NDE1: variants seen among roughly 807,000 people sequenced by gnomAD.
NDE1 encodes the protein nuclear distribution protein nudE homolog 1.
NDE1 carries 28 observed loss-of-function variants against 43.4 expected under a neutral mutation model. That is an observed-to-expected ratio of 0.65 (90% CI 0.48 to 0.89). The LOEUF is 0.89. Ranked by LOEUF, NDE1 falls within the 40% of genes least tolerant of loss-of-function variation. NDE1 has a pLI of 0.00. For synonymous variants in NDE1, 184 were observed against 172.0 expected (o/e 1.07, Z -0.55); for missense variants, 441 against 434.1 (o/e 1.02, Z -0.14).
chr16:15,699,760 C>CCTTCACACATGT, intron 8 of NDE1: 1 of 1,351,606 alleles, frequency 7.4e-7, no homozygotes, highest in African/African-American at 1.5e-5. Flanking sequence ...TGGGAAGCCG[C>CCTTCACACATGT]CTTCACACAT....
intron 8 of NDE1, among the ~76,000 whole-genome samples, chr16:15,709,067 C>T (rs764473966): frequency 5.3e-5 from 8 of 152,000 alleles, no homozygotes; most frequent in East Asian, 1.9e-4. Context: ...CTCAGCCTCC[C>T]GAGTAGCTGG....
chr16:15,679,306 G>GT (rs1019866776), intron 4 of NDE1, among the ~76,000 whole-genome samples: 2 of 151,788 alleles, frequency 1.3e-5, no homozygotes, highest in African/African-American at 4.8e-5. Context: ...TCCTCAGAGA[G>GT]TTTTTTTTCT....
At chr16:15,716,971 C>G (rs2040185492) in intron 8 of NDE1, among the ~76,000 whole-genome samples, 1 of 152,228 alleles carries the variant, frequency 6.6e-6, no homozygotes, top group African/African-American at 2.4e-5. Context: ...CAGCAGGGCA[C>G]TTTGCTGTGT....
At chr16:15,719,849 C>T (rs2040373132) in intron 8 of NDE1, 2 of 1,304,162 alleles carry the variant, frequency 1.5e-6, no homozygotes, top group Admixed American at 1.8e-5. Flanking sequence ...ACGAGCATGG[C>T]TCTCAGTTCC....
chr16:15,704,903 T>C (rs567652122), intron 8 of NDE1, among the ~76,000 whole-genome samples: 1 of 152,340 alleles, frequency 6.6e-6, no homozygotes, highest in South Asian at 2.1e-4. Flanking sequence ...GGTCTGGAAC[T>C]CCTGAGCTCA....
At chr16:15,674,710 CT>C (rs532272038) in intron 3 of NDE1, among the ~76,000 whole-genome samples, 10 of 150,834 alleles carry the variant, frequency 6.6e-5, no homozygotes, top group East Asian at 3.9e-4. Flanking sequence ...ATTGAGATTC[CT>C]TTTTTTTTGC....
At chr16:15,723,069 C>A (rs1475536888) in intron 8 of NDE1, among the ~76,000 whole-genome samples, 1 of 152,090 alleles carries the variant, frequency 6.6e-6, no homozygotes, top group African/African-American at 2.4e-5. Context: ...TAGAATAACC[C>A]TGAGTCACTT....
Position 15,720,219 on chromosome 16 carries a change from G to A in NDE1, c.948-3972G>A. On this transcript the variant is annotated intron_variant, in intron 8 of 8. Transcript: ENST00000396354. Reference sequence around the variant, plus strand: ...ATGGCAGAGTCGGCCTGAAGCTCCAGGTCTTTCAGGTCCCCTTCCAGCTTC... The same window carrying A: ...ATGGCAGAGTCGGCCTGAAGCTCCAAGTCTTTCAGGTCCCCTTCCAGCTTC... The A allele has an allele frequency of 2.5e-6, 4 of 1,614,128 alleles. No homozygotes were observed. The highest frequency in any genetic ancestry group is 3.4e-6 in the Non-Finnish European group (4 of 1,180,026).
chr16:15,708,832 G>C (rs1057524493), intron 8 of NDE1: 5 of 1,610,160 alleles, frequency 3.1e-6, no homozygotes, highest in South Asian at 2.2e-5. Flanking sequence ...TTTCCTGTGG[G>C]GGGGGCCCTC....
At position 15,724,522 on chromosome 16, in the gene NDE1, T is replaced by C. The variant is rs1208430282; in HGVS notation, c.*271T>C. The C allele has an allele frequency of 1.2e-6, 2 of 1,606,012 alleles. No homozygotes were observed. The highest frequency in any genetic ancestry group is 1.3e-5 in the African/African-American group (1 of 74,696). The stretch of plus-strand genomic sequence containing the variant: ...ATGTCTCCTCGTTGGAGAAACCCAA[T>C]AGCAGGGGAAGCTGGGGGGTCAAGC... On this transcript the variant is annotated 3_prime_UTR_variant, in exon 9 of 9. Coordinates refer to ENST00000396354, the MANE Select transcript of NDE1 (RefSeq NM_017668.3).
chr16:15,683,046 A>G (rs148714290), intron 4 of NDE1, among the ~76,000 whole-genome samples: 4,107 of 151,734 alleles, frequency 0.027, 190 homozygotes, highest in African/African-American at 0.095. Context: ...GGGGTCACAC[A>G]GTGTTTCCCA....
intron 8 of NDE1, chr16:15,708,951 C>T (rs965153465): frequency 5.1e-6 from 6 of 1,170,160 alleles, no homozygotes; most frequent in Non-Finnish European, 5.0e-6. Context: ...TAATTAAAGG[C>T]ACTCTTTTTT....
At chr16:15,719,632 C>T (rs1177693130) in intron 8 of NDE1, 1 of 1,614,192 alleles carries the variant, frequency 6.2e-7, no homozygotes, top group Non-Finnish European at 8.5e-7. Flanking sequence ...GCTTTCTTCT[C>T]ATTCTCTTTG....
chr16:15,649,636 T>C (rs201093083), upstream of NDE1, among the ~76,000 whole-genome samples: 1 of 152,144 alleles, frequency 6.6e-6, no homozygotes, highest in East Asian at 1.9e-4. Flanking sequence ...AATGGCGTTT[T>C]ATAGATGGGG....
At chr16:15,692,720 G>A (rs935647352) in intron 6 of NDE1, among the ~76,000 whole-genome samples, 5 of 151,868 alleles carry the variant, frequency 3.3e-5, no homozygotes, top group African/African-American at 1.2e-4. Flanking sequence ...CCAGTCTAGA[G>A]CCATTTTGCA....
chr16:15,711,370 C>G (rs1456814803), intron 8 of NDE1: 5 of 152,118 alleles, frequency 3.3e-5, no homozygotes, highest in African/African-American at 1.2e-4. Context: ...GCTGTTGTCA[C>G]TCCCTTTTTA....
chr16:15,704,077 G>T (rs751862398), intron 8 of NDE1: 11 of 1,613,868 alleles, frequency 6.8e-6, no homozygotes, highest in Non-Finnish European at 8.5e-7. Context: ...ATAACTCTAC[G>T]TCCTCCAGAC....
rs756247320 is a variant in NDE1 at position 15,696,708 on chromosome 16, G to A, written c.796-1G>A. 1 of 1,614,206 alleles carries A rather than the reference G, an allele frequency of 6.2e-7. No individual in the cohort carries two copies. The highest frequency in any genetic ancestry group is 1.7e-5 in the Admixed American group (1 of 60,014). Reference sequence around the variant, plus strand: ...AGAGATAAAAGTGTATTTCTGTCCAGGCACTGGAGTCCAAACTCGCTTCCT... The same window carrying A: ...AGAGATAAAAGTGTATTTCTGTCCAAGCACTGGAGTCCAAACTCGCTTCCT... On this transcript the variant is annotated splice_acceptor_variant, in intron 7 of 8. Transcript: ENST00000396354. LOFTEE classifies it high-confidence loss of function.
chr16:15,678,003 C>A, intron 4 of NDE1, 54 bp downstream of exon 4: 1 of 1,604,474 alleles, frequency 6.2e-7, no homozygotes, highest in African/African-American at 1.3e-5. Context: ...TGCTTTTTGT[C>A]CCCAGCAGCT....
Sources: gnomAD v4.1 joint callset for allele counts (sites outside exome capture counted in the v4.1 genomes callset) on GRCh38, gnomAD v4.1.1 for gene constraint, MANE v1.5 for transcripts, NCBI Gene and HGNC (gene_info 2026-07-23, HGNC 2026-07-21) for gene names.